The following CCSER1 variants were observed in gnomAD, a reference collection of about 807,000 sequenced individuals.
The protein encoded by CCSER1 is coiled-coil serine rich protein 1.
In CCSER1, 41 loss-of-function variants were observed where a neutral mutation model predicts 82.0. That is an observed-to-expected ratio of 0.50 (90% CI 0.39 to 0.65). The LOEUF is 0.65. Ranked by LOEUF, CCSER1 falls within the 30% of genes least tolerant of loss-of-function variation. The probability of loss-of-function intolerance (pLI) is 0.00; values close to 1 mark genes in which losing one functional copy is unlikely to be tolerated. For synonymous variants in CCSER1, 414 were observed against 383.9 expected (o/e 1.08, Z -0.92); for missense variants, 1,119 against 1,064.2 (o/e 1.05, Z -0.72).
chr4:91,000,897 A>G (rs1450511341), intron 9 of CCSER1, among the ~76,000 whole-genome samples: 1 of 151,992 alleles, frequency 6.6e-6, no homozygotes, highest in Non-Finnish European at 1.5e-5. Flanking sequence ...TTCCTTTCCT[A>G]TTTGGATGCC....
rs144738896 is a variant in CCSER1 at position 90,672,875 on chromosome 4, G to A, written c.1932+44643G>A. 1.5e-3 allele frequency among the ~76,000 whole-genome samples: 225 copies of A among 152,038 alleles called. 8 individuals are homozygous for A. The East Asian group carries it at 0.036, about 24-fold the overall frequency. ...AGAGACTAGAGAATGACCAATCAGTGGAGGAATCAGACACACACAATATTT... is the reference window on the plus strand; with the variant it reads ...AGAGACTAGAGAATGACCAATCAGTAGAGGAATCAGACACACACAATATTT... On this transcript the variant is annotated intron_variant, in intron 6 of 10. Coordinates refer to ENST00000509176, the MANE Select transcript of CCSER1 (RefSeq NM_001145065.2).
intron 10 of CCSER1, among the ~76,000 whole-genome samples, chr4:91,199,457 A>C (rs893894279): frequency 1.3e-5 from 2 of 152,174 alleles, no homozygotes; most frequent in African/African-American, 2.4e-5. Context: ...TAGAATAAGC[A>C]GTTAGCACGA....
At chr4:90,315,076 C>T (rs985042303) in intron 3 of CCSER1, among the ~76,000 whole-genome samples, 1 of 151,932 alleles carries the variant, frequency 6.6e-6, no homozygotes, top group African/African-American at 2.4e-5. Flanking sequence ...TGAACTCCTC[C>T]TGACCTCAAG....
At chr4:91,440,135 T>C (rs1406990572) in intron 10 of CCSER1, among the ~76,000 whole-genome samples, 1 of 151,896 alleles carries the variant, frequency 6.6e-6, no homozygotes, top group Non-Finnish European at 1.5e-5. Flanking sequence ...TCTACAGAAC[T>C]CTCCACCCCA....
intron 3 of CCSER1, among the ~76,000 whole-genome samples, chr4:90,330,696 C>A (rs1739121743): frequency 6.6e-6 from 1 of 152,128 alleles, no homozygotes; most frequent in South Asian, 2.1e-4. Flanking sequence ...CTAGGAAGTC[C>A]TGCATAACAA....
intron 3 of CCSER1, among the ~76,000 whole-genome samples, chr4:90,318,381 G>A (rs890035080): frequency 4.6e-5 from 7 of 152,150 alleles, no homozygotes; most frequent in Admixed American, 2.0e-4. Context: ...CATTTGCAAA[G>A]TTGCCCTGTA....
intron 10 of CCSER1, among the ~76,000 whole-genome samples, chr4:91,575,331 A>G (rs889691423): frequency 2.0e-5 from 3 of 152,074 alleles, no homozygotes; most frequent in Non-Finnish European, 4.4e-5. Flanking sequence ...ATATGACACC[A>G]AAAACACAGG....
intron 1 of CCSER1, among the ~76,000 whole-genome samples, chr4:90,281,376 T>A (rs948929811): frequency 6.6e-6 from 1 of 152,004 alleles, no homozygotes; most frequent in Non-Finnish European, 1.5e-5. Context: ...AAAAACTACC[T>A]ATTGGGAACT....
intron 3 of CCSER1, among the ~76,000 whole-genome samples, chr4:90,341,516 C>G (rs1050920755): frequency 6.6e-6 from 1 of 151,976 alleles, no homozygotes; most frequent in East Asian, 1.9e-4. Context: ...ACATTATCCC[C>G]AAATACTCCA....
In CCSER1 at chr4:91,576,138, GATCT is replaced by G. The variant is rs532145583; in HGVS notation, c.2218-22422_2218-22419del. ...GATGGACGAATGGATACAGAAATGT[GATCT>G]ATCTATCTATCAATCATCTATCTAT... On this transcript the variant is annotated intron_variant, in intron 10 of 10. Coordinates refer to ENST00000509176, the MANE Select transcript of CCSER1 (RefSeq NM_001145065.2). 1.7e-3 allele frequency among the ~76,000 whole-genome samples: 262 copies of G among 151,866 alleles called. 1 individual carries two copies. Among genetic ancestry groups the G allele is most frequent in the Middle Eastern group, 0.01 (3 of 292 alleles).
chr4:90,168,615 C>T (rs1054554110), intron 1 of CCSER1, among the ~76,000 whole-genome samples: 1 of 152,172 alleles, frequency 6.6e-6, no homozygotes, highest in Non-Finnish European at 1.5e-5. Flanking sequence ...TTAGGTCTAA[C>T]ATTGAAGTCT....
chr4:90,670,973 G>A (rs1490624090), intron 6 of CCSER1, among the ~76,000 whole-genome samples: 2 of 152,006 alleles, frequency 1.3e-5, no homozygotes, highest in Non-Finnish European at 2.9e-5. Context: ...TGGTTTCCCA[G>A]TACATGTAAA....
chr4:90,279,021 A>G (rs1578921141), intron 1 of CCSER1, among the ~76,000 whole-genome samples: 1 of 151,922 alleles, frequency 6.6e-6, no homozygotes, highest in East Asian at 1.9e-4. Flanking sequence ...TAAGCTGCCA[A>G]TTTTTCCTTT....
intron 10 of CCSER1, among the ~76,000 whole-genome samples, chr4:91,567,722 T>A (rs996937094): frequency 4.6e-5 from 7 of 152,072 alleles, no homozygotes; most frequent in African/African-American, 1.7e-4. Context: ...ATTTTCCATT[T>A]TCTTTATTCC....
intron 7 of CCSER1, among the ~76,000 whole-genome samples, chr4:90,753,647 C>CGGGAG (rs1749063172): frequency 6.6e-6 from 1 of 152,020 alleles, no homozygotes; most frequent in Non-Finnish European, 1.5e-5. Context: ...CTCTTGTCTC[C>CGGGAG]CCTGTAATTC....
chr4:91,594,337 A>AT (rs1491561223), intron 10 of CCSER1, among the ~76,000 whole-genome samples: 2 of 145,858 alleles, frequency 1.4e-5, no homozygotes, highest in East Asian at 4.0e-4. Flanking sequence ...ATGTACACAC[A>AT]TATATATACA....
At chr4:91,485,748 A>G (rs1758184546) in intron 10 of CCSER1, among the ~76,000 whole-genome samples, 1 of 152,168 alleles carries the variant, frequency 6.6e-6, no homozygotes, top group South Asian at 2.1e-4. Flanking sequence ...GACTCTTAAA[A>G]TGGCATTATT....
chr4:90,736,903 A>C (rs1278335836), intron 7 of CCSER1, among the ~76,000 whole-genome samples: 1 of 152,048 alleles, frequency 6.6e-6, no homozygotes, highest in African/African-American at 2.4e-5. Context: ...TGCAAGTAAC[A>C]ACTTATAACC....
intron 10 of CCSER1, among the ~76,000 whole-genome samples, chr4:91,457,517 AT>A (rs958693621): frequency 5.3e-5 from 8 of 152,092 alleles, no homozygotes; most frequent in Non-Finnish European, 7.4e-5. Context: ...AATAAAAAAA[AT>A]AATTAGTCAT....
Sources: allele counts gnomAD v4.1 joint callset (sites outside exome capture counted in the v4.1 genomes callset), GRCh38; gene constraint gnomAD v4.1.1; transcripts MANE v1.5; gene names NCBI Gene and HGNC (gene_info 2026-07-23, HGNC 2026-07-21).